Variants in SEMA3E observed in about 807,000 individuals in gnomAD.
SEMA3E encodes semaphorin-3E.
In SEMA3E, 49 loss-of-function variants were observed where a neutral mutation model predicts 93.6. That is an observed-to-expected ratio of 0.52 (90% CI 0.42 to 0.66). The LOEUF is 0.66. Among genes scored for constraint, SEMA3E ranks in the 30% least tolerant of loss-of-function variants. SEMA3E has a pLI of 0.00. For synonymous variants in SEMA3E, 363 were observed against 330.7 expected (o/e 1.10, Z -1.06); for missense variants, 906 against 964.8 (o/e 0.94, Z 0.81).
chr7:83,440,021 A>G (rs1008814243), intron 4 of SEMA3E, among the ~76,000 whole-genome samples: 11 of 152,208 alleles, frequency 7.2e-5, no homozygotes, highest in African/African-American at 2.4e-4. Flanking sequence ...AGCGTATGTT[A>G]ATTCTGGTAG....
intron 1 of SEMA3E, among the ~76,000 whole-genome samples, chr7:83,545,565 A>G (rs200016844): frequency 1.9e-5 from 2 of 106,788 alleles, no homozygotes; most frequent in African/African-American, 4.5e-5. Context: ...AAAAAAAAAA[A>G]AAAAGAAATA....
chr7:83,475,008 TAATAA>T (rs946530718), intron 2 of SEMA3E, among the ~76,000 whole-genome samples: 3 of 150,896 alleles, frequency 2.0e-5, no homozygotes, highest in African/African-American at 7.3e-5. Flanking sequence ...TATATATATA[TAATAA>T]AATACAAATT....
At chr7:83,406,661 A>G (rs927325499) in intron 7 of SEMA3E, among the ~76,000 whole-genome samples, 4 of 152,058 alleles carry the variant, frequency 2.6e-5, no homozygotes, top group African/African-American at 9.7e-5. Flanking sequence ...TTGGTTTTAA[A>G]TGTTCCCAAA....
intron 1 of SEMA3E, among the ~76,000 whole-genome samples, chr7:83,608,898 C>A (rs932546250): frequency 2.6e-5 from 4 of 152,032 alleles, no homozygotes; most frequent in African/African-American, 9.7e-5. Flanking sequence ...AAAAAGTAGA[C>A]TGTGGTATAA....
At chr7:83,631,821 G>T (rs550294945) in intron 1 of SEMA3E, among the ~76,000 whole-genome samples, 1 of 152,282 alleles carries the variant, frequency 6.6e-6, no homozygotes, top group South Asian at 2.1e-4. Context: ...TGGCATATTT[G>T]CCCATAAGCT....
chr7:83,641,630 A>G (rs1794012248), intron 1 of SEMA3E, among the ~76,000 whole-genome samples: 1 of 152,176 alleles, frequency 6.6e-6, no homozygotes, highest in African/African-American at 2.4e-5. Context: ...CATGAGAGAC[A>G]TCAATATTCT....
rs1351288099 is a variant in SEMA3E at position 83,366,371 on chromosome 7, AAG to A, written c.*1213_*1214del. On this transcript the variant is annotated 3_prime_UTR_variant, in exon 17 of 17. Coordinates refer to ENST00000643230, the MANE Select transcript of SEMA3E (RefSeq NM_012431.3). ...AATACAATTGTTTTTTATAACATTT[AAG>A]AGAGAGGTAAAAATGCTCTGAATAT... 6.6e-6 allele frequency: 1 copy of A among 152,014 alleles called. No homozygotes were observed. Among genetic ancestry groups the A allele is most frequent in the Non-Finnish European group, 1.5e-5 (1 of 67,898 alleles). The allele number at this position is 152,014 out of a possible 1,614,324, so 9.4% of individuals were successfully genotyped here.
chr7:83,600,520 T>TTTC (rs1491511606), intron 1 of SEMA3E, among the ~76,000 whole-genome samples: 3 of 107,458 alleles, frequency 2.8e-5, no homozygotes, highest in Non-Finnish European at 5.6e-5. Flanking sequence ...TTTTTTTTTT[T>TTTC]GTATTTTTAG....
chr7:83,444,149 T>C (rs1453737297), intron 4 of SEMA3E, among the ~76,000 whole-genome samples: 1 of 152,172 alleles, frequency 6.6e-6, no homozygotes, highest in Admixed American at 6.5e-5. Context: ...AGATAATGTG[T>C]GATCTCAGTC....
At position 83,578,608 on chromosome 7, in the gene SEMA3E, C is replaced by A. The variant is rs1792457197; in HGVS notation, c.115+69820G>T. Among the ~76,000 whole-genome samples the A allele has an allele frequency of 2.0e-5, 3 of 151,990 alleles. No homozygotes were observed. In the South Asian group the frequency reaches 6.2e-4, roughly 32 times the overall value. ...GTCTATTAAAAGGCACTGACCAACA[C>A]AGAAAATTGTTTTATCTGTTCTTAA... On this transcript the variant is annotated intron_variant, in intron 1 of 16. Transcript: ENST00000643230.
intron 1 of SEMA3E, among the ~76,000 whole-genome samples, chr7:83,549,642 T>G (rs1280863893): frequency 1.3e-5 from 2 of 152,108 alleles, no homozygotes; most frequent in African/African-American, 4.8e-5. Context: ...TAGGACATTT[T>G]CACCAATATT....
chr7:83,440,377 A>C (rs2115781191), intron 4 of SEMA3E, among the ~76,000 whole-genome samples: 1 of 152,244 alleles, frequency 6.6e-6, no homozygotes, highest in Non-Finnish European at 1.5e-5. Context: ...GAAGAAAAGA[A>C]CCTACCAATT....
intron 1 of SEMA3E, among the ~76,000 whole-genome samples, chr7:83,607,487 C>A (rs991314472): frequency 1.3e-5 from 2 of 152,162 alleles, no homozygotes; most frequent in African/African-American, 4.8e-5. Flanking sequence ...GGCAGTGCTT[C>A]ATCCTCATTT....
chr7:83,547,440 T>C (rs984750792), intron 1 of SEMA3E, among the ~76,000 whole-genome samples: 2 of 152,080 alleles, frequency 1.3e-5, no homozygotes, highest in Non-Finnish European at 2.9e-5. Flanking sequence ...CCCAAATCTA[T>C]GTAAGAAAAC....
At chr7:83,614,548 G>A (rs1193628862) in intron 1 of SEMA3E, among the ~76,000 whole-genome samples, 2 of 152,046 alleles carry the variant, frequency 1.3e-5, no homozygotes, top group Non-Finnish European at 2.9e-5. Flanking sequence ...GGCAAGTTAT[G>A]CCACAATAAA....
At chr7:83,451,292 T>C (rs1789353551) in intron 4 of SEMA3E, among the ~76,000 whole-genome samples, 1 of 152,192 alleles carries the variant, frequency 6.6e-6, no homozygotes, top group African/African-American at 2.4e-5. Flanking sequence ...ACAGGGGGAC[T>C]TGCAAATTCC....
At chr7:83,505,791 A>G (rs1049077551) in intron 1 of SEMA3E, among the ~76,000 whole-genome samples, 2 of 152,100 alleles carry the variant, frequency 1.3e-5, no homozygotes, top group Admixed American at 6.6e-5. Context: ...CAAGGGGGGC[A>G]GATCACAAGG....
intron 1 of SEMA3E, among the ~76,000 whole-genome samples, chr7:83,584,154 TA>T (rs1480122523): frequency 3.9e-5 from 6 of 152,176 alleles, no homozygotes; most frequent in Non-Finnish European, 7.4e-5. Context: ...TACTATATAT[TA>T]ACCATAAAAA....
chr7:83,589,120 A>G (rs191217079), intron 1 of SEMA3E, among the ~76,000 whole-genome samples: 1 of 152,326 alleles, frequency 6.6e-6, no homozygotes, highest in Admixed American at 6.5e-5. Context: ...TCATTGGCTC[A>G]GCCAATTATC....
Sources: gnomAD v4.1 joint callset for allele counts (sites outside exome capture counted in the v4.1 genomes callset) on GRCh38, gnomAD v4.1.1 for gene constraint, MANE v1.5 for transcripts, NCBI Gene and HGNC (gene_info 2026-07-23, HGNC 2026-07-21) for gene names.